CAMK2D: variants seen among roughly 807,000 people sequenced by gnomAD.
The protein encoded by CAMK2D is calcium/calmodulin-dependent protein kinase type II subunit delta.
Under a neutral mutation model 84.0 loss-of-function variants are expected in CAMK2D, and 37 were observed. The observed-to-expected ratio is 0.44, with a 90% CI of 0.34 to 0.58. The LOEUF (loss-of-function observed/expected upper bound fraction) is 0.58. CAMK2D is among the 20% of genes least tolerant of loss of function. CAMK2D has a pLI of 0.02. For missense variants in CAMK2D, 448 were observed against 652.5 expected (o/e 0.69, Z 3.41); for synonymous variants, 202 against 212.5 (o/e 0.95, Z 0.43).
At chr4:113,651,571 T>C (rs930289952) in intron 3 of CAMK2D, among the ~76,000 whole-genome samples, 2 of 152,148 alleles carry the variant, frequency 1.3e-5, no homozygotes, top group African/African-American at 4.8e-5. Flanking sequence ...TTATAAGCAA[T>C]GATTGTTTTA....
chr4:113,745,981 C>T (rs2148985673), intron 2 of CAMK2D, among the ~76,000 whole-genome samples: 1 of 152,300 alleles, frequency 6.6e-6, no homozygotes, highest in Middle Eastern at 3.4e-3. Context: ...GTTCCTTACC[C>T]ACACTCCAGA....
At chr4:113,661,650 A>T (rs1039482147) in intron 3 of CAMK2D, 63 bp downstream of exon 3, 1 of 693,118 alleles carries the variant, frequency 1.4e-6, no homozygotes. Context: ...TAGCATTTTT[A>T]TTGTGGTAAA....
chr4:113,693,825 C>T (rs1356283064), intron 2 of CAMK2D, among the ~76,000 whole-genome samples: 2 of 151,728 alleles, frequency 1.3e-5, no homozygotes, highest in Non-Finnish European at 2.9e-5. Context: ...TTTTTTTTTA[C>T]TTTTTTACAC....
Position 113,625,995 on chromosome 4 carries a change from CAG to C in CAMK2D, c.221-16791_221-16790del, listed in dbSNP as rs573840663. 2.7e-5 allele frequency among the ~76,000 whole-genome samples: 4 copies of C among 148,864 alleles called. No homozygotes were observed. The South Asian group carries it at 8.5e-4, about 31-fold the overall frequency. ...CACCACTGCACCCCAGCCTGGGTGA[CAG>C]AGTGAGATATCATCTCAAAAAAAAA... On this transcript the variant is annotated intron_variant, in intron 3 of 20. Transcript: ENST00000511664.
chr4:113,563,203 G>A (rs193098828), intron 4 of CAMK2D, among the ~76,000 whole-genome samples: 5 of 152,110 alleles, frequency 3.3e-5, no homozygotes, highest in East Asian at 1.9e-4. Context: ...GCAGTGAGCC[G>A]AGATCACGCC....
intron 2 of CAMK2D, among the ~76,000 whole-genome samples, chr4:113,684,220 T>C (rs746461187): frequency 2.0e-5 from 3 of 152,200 alleles, no homozygotes; most frequent in African/African-American, 4.8e-5. Context: ...GAAAATTGTA[T>C]CTGTAAAAAT....
intron 12 of CAMK2D, among the ~76,000 whole-genome samples, chr4:113,512,333 C>T (rs186384543): frequency 2.8e-4 from 42 of 152,252 alleles, no homozygotes; most frequent in Admixed American, 9.2e-4. Flanking sequence ...TAGAGAGTGA[C>T]GCTTACAATA....
intron 2 of CAMK2D, among the ~76,000 whole-genome samples, chr4:113,712,667 T>A (rs1387753110): frequency 3.9e-5 from 6 of 152,044 alleles, no homozygotes; most frequent in Middle Eastern, 3.2e-3. Context: ...GAATTTTTTT[T>A]AATTTAAATT....
At chr4:113,694,606 T>C (rs1421762248) in intron 2 of CAMK2D, among the ~76,000 whole-genome samples, 4 of 152,110 alleles carry the variant, frequency 2.6e-5, no homozygotes, top group East Asian at 1.9e-4. Context: ...CTGTGGGGTA[T>C]TGGACAGATA....
intron 2 of CAMK2D, among the ~76,000 whole-genome samples, chr4:113,669,481 G>A (rs2099270891): frequency 6.6e-6 from 1 of 152,048 alleles, no homozygotes; most frequent in Non-Finnish European, 1.5e-5. Context: ...ACTGGAGGAG[G>A]TATAGTATTG....
intron 3 of CAMK2D, among the ~76,000 whole-genome samples, chr4:113,654,305 C>T (rs1236494919): frequency 1.3e-5 from 2 of 151,938 alleles, no homozygotes; most frequent in African/African-American, 2.4e-5. Context: ...GGGAAACATG[C>T]TTTTATAGAA....
intron 4 of CAMK2D, among the ~76,000 whole-genome samples, chr4:113,591,524 T>A (rs1316966915): frequency 6.6e-6 from 1 of 152,210 alleles, no homozygotes; most frequent in Non-Finnish European, 1.5e-5. Context: ...GTTCTCCAAC[T>A]TGTAGCTAGA....
intron 3 of CAMK2D, among the ~76,000 whole-genome samples, chr4:113,623,404 C>A (rs10011090): frequency 0.013 from 1,979 of 148,060 alleles, 49 homozygotes; most frequent in African/African-American, 0.043. Flanking sequence ...ACACACACAC[C>A]CACACAGACA....
chr4:113,750,173 A>C (rs1286274571), intron 2 of CAMK2D, among the ~76,000 whole-genome samples: 1 of 152,218 alleles, frequency 6.6e-6, no homozygotes, highest in Non-Finnish European at 1.5e-5. Flanking sequence ...TTGAAAGGAC[A>C]AAGAAGGAGA....
At chr4:113,741,181 AAGG>A (rs2148919766) in intron 2 of CAMK2D, among the ~76,000 whole-genome samples, 1 of 152,290 alleles carries the variant, frequency 6.6e-6, no homozygotes, top group Admixed American at 6.5e-5. Context: ...GGAATATGCC[AAGG>A]AGAAGCCGTT....
intron 4 of CAMK2D, among the ~76,000 whole-genome samples, chr4:113,589,830 C>T (rs187719777): frequency 3.7e-4 from 57 of 152,160 alleles, no homozygotes; most frequent in African/African-American, 1.3e-3. Flanking sequence ...GGATGAGATT[C>T]TTAAGAAGCA....
chr4:113,759,470 A>C, intron 1 of CAMK2D, 56 bp from the exon 2 acceptor site: 2 of 1,069,308 alleles, frequency 1.9e-6, no homozygotes, highest in Admixed American at 4.3e-5. Flanking sequence ...TTTCATTAAA[A>C]ATTTATAAAA....
At chr4:113,468,748 C>G (rs1350459832) in intron 16 of CAMK2D, among the ~76,000 whole-genome samples, 2 of 152,116 alleles carry the variant, frequency 1.3e-5, no homozygotes, top group African/African-American at 4.8e-5. Context: ...TAATAAATAA[C>G]CACTCCAAAA....
rs117045405 is a variant in CAMK2D, at chr4:113,674,189, C to A, written c.161-12417G>T. Among the ~76,000 whole-genome samples, 114 of 152,014 alleles carry A rather than the reference C, an allele frequency of 7.5e-4. No individual in the cohort carries two copies. In the East Asian group the frequency reaches 0.02, roughly 27 times the overall value. ...ATGCTTGCATATTTTTTTAAAATCA[C>A]CTAAAATTTTTCTAGATAACCTACA... On this transcript the variant is annotated intron_variant, in intron 2 of 20. Transcript: ENST00000511664.
Sources: allele counts gnomAD v4.1 joint callset (sites outside exome capture counted in the v4.1 genomes callset), GRCh38; gene constraint gnomAD v4.1.1; transcripts MANE v1.5; gene names NCBI Gene and HGNC (gene_info 2026-07-23, HGNC 2026-07-21).